Variants in SLC44A5 observed in about 807,000 individuals in gnomAD.
SLC44A5 encodes the protein choline transporter-like protein 5.
A neutral mutation model predicts 101.8 loss-of-function variants in SLC44A5; 57 were observed. That is an observed-to-expected ratio of 0.56 (90% confidence interval 0.45 to 0.70). The LOEUF is 0.70. Ranked by LOEUF, SLC44A5 falls within the 30% of genes least tolerant of loss-of-function variation. SLC44A5 has a pLI of 0.00. For synonymous variants in SLC44A5, 281 were observed against 290.9 expected, an observed-to-expected ratio of 0.97 and a Z score of 0.35; for missense variants, 737 against 853.1, an observed-to-expected ratio of 0.86 and a Z score of 1.70.
intron 1 of SLC44A5, among the ~76,000 whole-genome samples, chr1:75,550,315 T>A (rs1454621038): frequency 6.6e-6 from 1 of 152,086 alleles, no homozygotes; most frequent in Non-Finnish European, 1.5e-5. Flanking sequence ...AATACATGAT[T>A]CCATTTAAAT....
the SLC44A5 span, among the ~76,000 whole-genome samples, chr1:75,723,297 T>C: frequency 6.6e-6 from 1 of 152,166 alleles, no homozygotes; most frequent in Non-Finnish European, 1.5e-5. Context: ...TCAGTGTTGA[T>C]TTTTGCAACA....
In SLC44A5 at chr1:75,600,472, G is replaced by C. The variant is rs371487171; in HGVS notation, c.-70+10568C>G. Among the ~76,000 whole-genome samples, 6 of 151,986 alleles carry C rather than the reference G, an allele frequency of 3.9e-5. No homozygotes were observed. The South Asian group carries it at 1.0e-3, about 26-fold the overall frequency. ...ATCATTAGTTTTATAATTTTGAGCA[G>C]GTTGTTTAACCTCTGTGAATTGTCT... On this transcript the variant is annotated intron_variant, in intron 1 of 23. Transcript: ENST00000370859.
At chr1:75,708,256 C>CA in the SLC44A5 span, among the ~76,000 whole-genome samples, 11,253 of 135,384 alleles carry the variant, frequency 0.083, 862 homozygotes, top group African/African-American at 0.21. Context: ...ACTGAAAATA[C>CA]AAAAAAAAAA....
Position 75,219,882 on chromosome 1 carries a change from A to T in SLC44A5, c.1096T>A (p.Tyr366Asn), listed in dbSNP as rs1297220497. The part of the protein sequence containing the change: ...LLKEGSKAIG[Y>N]VPSTLVYPAL... ...GGATAGACTAATGTACTAGGAACAT[A>T]TCCAATGGCTCTGAAATAAAACAAA... Residue 366 changes from tyrosine to asparagine, a missense_variant, in exon 15 of 24, where the codon TAT becomes AAT. By Grantham distance (143) the Tyr-to-Asn change is moderately radical (BLOSUM62 -2). Around this residue, in one of 3 missense-constraint regions of SLC44A5, gnomAD observed 665 missense variants for 764.4 expected, o/e 0.87. Coordinates refer to ENST00000370859, the MANE Select transcript of SLC44A5 (RefSeq NM_001130058.2). 1 of 1,603,202 alleles carries T rather than the reference A, an allele frequency of 6.2e-7. No homozygotes were observed. The highest frequency in any genetic ancestry group is 8.5e-7 in the Non-Finnish European group (1 of 1,172,676).
intron 14 of SLC44A5, among the ~76,000 whole-genome samples, chr1:75,221,356 T>A (rs1202413853): frequency 6.6e-6 from 1 of 152,226 alleles, no homozygotes; most frequent in East Asian, 1.9e-4. Flanking sequence ...CCATGCGTTA[T>A]TAAAAAGTTC....
chr1:75,537,034 A>AAAAAAATATATATATATG (rs1553199990), intron 2 of SLC44A5, among the ~76,000 whole-genome samples: 32 of 18,630 alleles, frequency 1.7e-3, no homozygotes, highest in African/African-American at 3.3e-3. Context: ...AAAAAAAAAA[A>AAAAAAATATATATATATG]TATATATCTA....
the SLC44A5 span, among the ~76,000 whole-genome samples, chr1:75,687,846 G>A: frequency 6.6e-6 from 1 of 152,218 alleles, no homozygotes; most frequent in Non-Finnish European, 1.5e-5. Flanking sequence ...TGGGCATTTG[G>A]GGAGCTCCCC....
In SLC44A5 at chr1:75,375,876, G is replaced by A. The variant is rs527260317; in HGVS notation, c.52+20707C>T. 1.3e-3 allele frequency among the ~76,000 whole-genome samples: 198 copies of A among 152,352 alleles called. 3 individuals carry two copies. Among genetic ancestry groups the A allele is most frequent in the African/African-American group, 4.7e-3 (195 of 41,584 alleles). On this transcript the variant is annotated intron_variant, in intron 3 of 23. Transcript: ENST00000370859. The stretch of plus-strand genomic sequence containing the variant: ...GAACAGCTCCTGTCTACAGCTCCCA[G>A]CGTGAGTGACACAGAAGATGGGTGA...
At chr1:75,527,543 T>C (rs77983810) in intron 2 of SLC44A5, among the ~76,000 whole-genome samples, 3,382 of 152,318 alleles carry the variant, frequency 0.022, 49 homozygotes, top group Non-Finnish European at 0.038. Context: ...CCTTGGACAA[T>C]GACAGCATTA....
chr1:75,586,335 C>A (rs985617560), intron 1 of SLC44A5, among the ~76,000 whole-genome samples: 4 of 149,798 alleles, frequency 2.7e-5, no homozygotes, highest in African/African-American at 9.8e-5. Flanking sequence ...AACAGAAGAG[C>A]CAATGCCTTA....
chr1:75,336,821 A>G (rs1657480915), intron 4 of SLC44A5, among the ~76,000 whole-genome samples: 1 of 152,176 alleles, frequency 6.6e-6, no homozygotes, highest in South Asian at 2.1e-4. Context: ...CCCCCTGTAG[A>G]CATGTTATAA....
At chr1:75,551,396 C>T (rs1381767827) in intron 1 of SLC44A5, among the ~76,000 whole-genome samples, 4 of 152,002 alleles carry the variant, frequency 2.6e-5, no homozygotes, top group African/African-American at 9.7e-5. Context: ...TAAAAGCATC[C>T]AACTCACTTT....
intron 2 of SLC44A5, among the ~76,000 whole-genome samples, chr1:75,415,485 G>A (rs1375180385): frequency 6.6e-6 from 1 of 152,196 alleles, no homozygotes; most frequent in African/African-American, 2.4e-5. Flanking sequence ...TCTCAGGTAT[G>A]TCTTTATCAC....
At chr1:75,327,490 A>AAGCT (rs1656690790) in intron 4 of SLC44A5, among the ~76,000 whole-genome samples, 1 of 152,170 alleles carries the variant, frequency 6.6e-6, no homozygotes, top group Admixed American at 6.6e-5. Context: ...TAGCAGTGAA[A>AAGCT]AGCTATTCCT....
rs917449188 is a variant in SLC44A5, at chr1:75,214,458, A to G, written c.1802+147T>C. On this transcript the variant is annotated intron_variant, in intron 20 of 23. Coordinates refer to ENST00000370859, the MANE Select transcript of SLC44A5 (RefSeq NM_001130058.2). ...TCAGATATGAAAATAAATTAATGGT[A>G]TGAGAGAGAATATTTAAATCTATCA... 10 of 599,226 alleles carry G rather than the reference A, an allele frequency of 1.7e-5. No individual in the cohort carries two copies. The African/African-American group carries it at 1.9e-4, about 11-fold the overall frequency. 37.1% of individuals were successfully genotyped at this position (599,226 alleles called of 1,614,324 possible).
chr1:75,347,311 A>T (rs1658317803), intron 3 of SLC44A5, among the ~76,000 whole-genome samples: 1 of 152,182 alleles, frequency 6.6e-6, no homozygotes, highest in Non-Finnish European at 1.5e-5. Context: ...AAGAAGATAG[A>T]CGTTAATAAT....
chr1:75,481,564 A>G (rs1301928139), intron 2 of SLC44A5, among the ~76,000 whole-genome samples: 1 of 152,090 alleles, frequency 6.6e-6, no homozygotes, highest in Non-Finnish European at 1.5e-5. Flanking sequence ...ACAAGAAAAA[A>G]ACAAACGACC....
chr1:75,320,690 G>A (rs902492178), intron 4 of SLC44A5, among the ~76,000 whole-genome samples: 2 of 152,064 alleles, frequency 1.3e-5, no homozygotes, highest in Admixed American at 6.6e-5. Flanking sequence ...CAAATAATAA[G>A]GATCATTTAA....
chr1:75,387,162 T>C (rs1404235533), intron 3 of SLC44A5, among the ~76,000 whole-genome samples: 1 of 152,212 alleles, frequency 6.6e-6, no homozygotes, highest in African/African-American at 2.4e-5. Context: ...AAGGACTTCA[T>C]GTCTAAAATA....
Sources: gnomAD v4.1 joint callset for allele counts (sites outside exome capture counted in the v4.1 genomes callset) on GRCh38, gnomAD v4.1.1 for gene constraint, gnomAD v4.1.1 regional missense constraint, MANE v1.5 for transcripts, NCBI Gene and HGNC (gene_info 2026-07-23, HGNC 2026-07-21) for gene names.